EDIL3: variants seen among roughly 807,000 people sequenced by gnomAD.
EDIL3 encodes the protein EGF-like repeat and discoidin I-like domain-containing protein 3.
In EDIL3, 37 loss-of-function variants were observed where a neutral mutation model predicts 67.4. The observed-to-expected ratio is 0.55, with a 90% CI of 0.42 to 0.72. EDIL3 has a LOEUF of 0.72. Among genes scored for constraint, EDIL3 ranks in the 30% least tolerant of loss-of-function variants. The pLI, the probability that EDIL3 is intolerant of heterozygous loss-of-function variation, is 0.00. For synonymous variants in EDIL3, 195 were observed against 196.3 expected (o/e 0.99, Z 0.05); for missense variants, 527 against 586.3 (o/e 0.90, Z 1.04).
intron 3 of EDIL3, among the ~76,000 whole-genome samples, chr5:84,202,091 T>A (rs1041555366): frequency 1.3e-5 from 2 of 152,156 alleles, no homozygotes; most frequent in Non-Finnish European, 2.9e-5. Flanking sequence ...CACTTCTCCA[T>A]CCCTTTTCAA....
intron 2 of EDIL3, among the ~76,000 whole-genome samples, chr5:84,240,910 G>C (rs1453096215): frequency 6.6e-6 from 1 of 152,048 alleles, no homozygotes; most frequent in Non-Finnish European, 1.5e-5. Context: ...AATTCTTCTA[G>C]AAAGTTTCCC....
chr5:83,991,755 T>C (rs916404036), intron 9 of EDIL3, among the ~76,000 whole-genome samples: 1 of 152,172 alleles, frequency 6.6e-6, no homozygotes, highest in Non-Finnish European at 1.5e-5. Context: ...ATCCATGGAC[T>C]ACATGCCACC....
At chr5:84,111,142 G>T (rs746282593) in intron 5 of EDIL3, among the ~76,000 whole-genome samples, 8 of 152,050 alleles carry the variant, frequency 5.3e-5, no homozygotes, top group Non-Finnish European at 7.4e-5. Flanking sequence ...CTTCCCCTTT[G>T]CCCTTCCCCC....
chr5:84,019,522 A>C (rs1745671877), intron 9 of EDIL3, among the ~76,000 whole-genome samples: 1 of 152,096 alleles, frequency 6.6e-6, no homozygotes. Flanking sequence ...CTGCACATGT[A>C]CCCTAAAACT....
At chr5:84,040,925 A>G (rs949068843) in intron 9 of EDIL3, among the ~76,000 whole-genome samples, 1 of 152,192 alleles carries the variant, frequency 6.6e-6, no homozygotes, top group Non-Finnish European at 1.5e-5. Flanking sequence ...TGAGCTCAAG[A>G]GTTCGAGACC....
intron 1 of EDIL3, among the ~76,000 whole-genome samples, chr5:84,268,564 C>A (rs1745396628): frequency 6.6e-6 from 1 of 152,122 alleles, no homozygotes; most frequent in Non-Finnish European, 1.5e-5. Flanking sequence ...GTTTTTAATT[C>A]ATTAATGTTG....
chr5:83,953,213 A>G (rs900179413), intron 10 of EDIL3, among the ~76,000 whole-genome samples: 7 of 151,842 alleles, frequency 4.6e-5, no homozygotes, highest in East Asian at 1.9e-4. Flanking sequence ...TACTTATACT[A>G]AAGAATGTAT....
intron 9 of EDIL3, among the ~76,000 whole-genome samples, chr5:84,031,337 T>C (rs1002718269): frequency 2.0e-5 from 3 of 152,202 alleles, no homozygotes; most frequent in African/African-American, 7.2e-5. Context: ...AAGCTTTGAC[T>C]GGATGTTTTG....
At chr5:83,981,281 T>C (rs1024470259) in intron 9 of EDIL3, among the ~76,000 whole-genome samples, 1 of 152,078 alleles carries the variant, frequency 6.6e-6, no homozygotes, top group African/African-American at 2.4e-5. Context: ...GGTACTGGCA[T>C]TTAAATATAA....
chr5:84,382,275 C>A (rs1384600570), intron 1 of EDIL3, among the ~76,000 whole-genome samples: 4 of 152,326 alleles, frequency 2.6e-5, no homozygotes, highest in Non-Finnish European at 5.9e-5. Flanking sequence ...AGAGTCCAGG[C>A]AACATCTCCA....
intron 3 of EDIL3, among the ~76,000 whole-genome samples, chr5:84,196,662 T>C (rs764775283): frequency 6.6e-6 from 1 of 152,156 alleles, no homozygotes; most frequent in South Asian, 2.1e-4. Flanking sequence ...ACATCTTTGT[T>C]AATTAAATAT....
At chr5:84,125,876 G>A (rs554420934) in intron 5 of EDIL3, among the ~76,000 whole-genome samples, 4 of 152,152 alleles carry the variant, frequency 2.6e-5, no homozygotes, top group Non-Finnish European at 5.9e-5. Context: ...GGTTGAATAT[G>A]CTCAACTTCA....
intron 6 of EDIL3, among the ~76,000 whole-genome samples, chr5:84,071,116 G>C (rs1746733269): frequency 6.6e-6 from 1 of 152,126 alleles, no homozygotes; most frequent in South Asian, 2.1e-4. Flanking sequence ...CACAGGTTAT[G>C]GACTAAGGAG....
chr5:84,210,755 G>A (rs1042826433), intron 3 of EDIL3, among the ~76,000 whole-genome samples: 3 of 152,062 alleles, frequency 2.0e-5, no homozygotes, highest in Admixed American at 6.6e-5. Context: ...TGTATGTATG[G>A]TATCTATCCT....
At chr5:84,012,009 C>A (rs1745524726) in intron 9 of EDIL3, among the ~76,000 whole-genome samples, 1 of 152,142 alleles carries the variant, frequency 6.6e-6, no homozygotes, top group Non-Finnish European at 1.5e-5. Context: ...GGAATTTGGT[C>A]TGTTTCTGTC....
chr5:84,164,252 T>TACA (rs1748665037), intron 4 of EDIL3, among the ~76,000 whole-genome samples: 2 of 152,118 alleles, frequency 1.3e-5, no homozygotes, highest in Non-Finnish European at 2.9e-5. Context: ...ACTAGGATAC[T>TACA]TACTGGATTT....
chr5:84,325,090 T>C (rs1746729564), intron 1 of EDIL3, among the ~76,000 whole-genome samples: 2 of 151,982 alleles, frequency 1.3e-5, no homozygotes, highest in Admixed American at 1.3e-4. Flanking sequence ...TTCTTGGACA[T>C]GACATGAAAG....
intron 1 of EDIL3, among the ~76,000 whole-genome samples, chr5:84,378,451 C>A (rs925033814): frequency 1.3e-5 from 2 of 152,064 alleles, no homozygotes; most frequent in African/African-American, 4.8e-5. Flanking sequence ...ATATACTATT[C>A]GAGTCTCCTC....
At chr5:84,295,650 A>G (rs868484499) in intron 1 of EDIL3, among the ~76,000 whole-genome samples, 76 of 152,230 alleles carry the variant, frequency 5.0e-4, no homozygotes, top group African/African-American at 1.6e-3. Context: ...TAATTTAAAC[A>G]TATTACTCTT....
Sources: gnomAD v4.1 joint callset for allele counts (sites outside exome capture counted in the v4.1 genomes callset) on GRCh38, gnomAD v4.1.1 for gene constraint, MANE v1.5 for transcripts, NCBI Gene and HGNC (gene_info 2026-07-23, HGNC 2026-07-21) for gene names.